Variants in ANKRD30BL observed in about 807,000 individuals in gnomAD.
ANKRD30BL encodes the protein putative ankyrin repeat domain-containing protein 30B-like.
In ANKRD30BL, 20 loss-of-function variants were observed where a neutral mutation model predicts 18.4. The ratio of observed to expected loss-of-function variants is 1.09; its 90% confidence interval spans 0.77 to 1.58. The LOEUF is 1.58. Among genes scored for constraint, ANKRD30BL ranks in the 40% most tolerant of loss-of-function variants. ANKRD30BL has a pLI of 0.00. For synonymous variants in ANKRD30BL, 72 were observed against 100.9 expected, an observed-to-expected ratio of 0.71 and a Z score of 1.72; for missense variants, 224 against 268.6, an observed-to-expected ratio of 0.83 and a Z score of 1.16.
chr2:132,158,727 CTA>C (rs1687977212), intron 1 of ANKRD30BL, among the ~76,000 whole-genome samples: 1 of 150,088 alleles, frequency 6.7e-6, no homozygotes, highest in Non-Finnish European at 1.5e-5. Flanking sequence ...CTTATATTTT[CTA>C]TTTTATTTTC....
At chr2:132,202,408 CT>C (rs1249057943) in intron 1 of ANKRD30BL, among the ~76,000 whole-genome samples, 2 of 140,732 alleles carry the variant, frequency 1.4e-5, no homozygotes, top group Non-Finnish European at 3.0e-5. Context: ...AAATTTGTGA[CT>C]CATAAAGACA....
chr2:132,159,206 C>T (rs1419264465), intron 1 of ANKRD30BL, among the ~76,000 whole-genome samples: 2 of 152,072 alleles, frequency 1.3e-5, no homozygotes, highest in African/African-American at 4.8e-5. Context: ...TTTCAAATGT[C>T]ACCTATTTCT....
At chr2:132,203,837 C>T (rs1454581337) in intron 1 of ANKRD30BL, among the ~76,000 whole-genome samples, 1 of 152,050 alleles carries the variant, frequency 6.6e-6, no homozygotes, top group Non-Finnish European at 1.5e-5. Flanking sequence ...AATTCTCTTA[C>T]TTTTGGTTTC....
chr2:132,180,486 C>T (rs1339392819), intron 1 of ANKRD30BL, among the ~76,000 whole-genome samples: 1 of 152,182 alleles, frequency 6.6e-6, no homozygotes, highest in African/African-American at 2.4e-5. Context: ...GTGATTCATG[C>T]CTGTATGCAC....
At chr2:132,177,034 A>G (rs1688377148) in intron 1 of ANKRD30BL, among the ~76,000 whole-genome samples, 1 of 152,152 alleles carries the variant, frequency 6.6e-6, no homozygotes, top group Admixed American at 6.5e-5. Context: ...CTTAATTCAT[A>G]TTTTTCTCAA....
chr2:132,149,667 C>T (rs1687705535), intron 5 of ANKRD30BL, among the ~76,000 whole-genome samples: 1 of 152,080 alleles, frequency 6.6e-6, no homozygotes, highest in South Asian at 2.1e-4. Flanking sequence ...GTCACTATGC[C>T]ACACAGTTGA....
At position 132,257,028 on chromosome 2, in the gene ANKRD30BL, A is replaced by G. The variant is rs542655547; in HGVS notation, n.441+501T>C. On this transcript the variant is annotated intron_variant and non_coding_transcript_variant, in intron 1 of 4. Transcript: ENST00000470729. ...GCCACGGGATCCCACCGCCACAGAC[A>G]GGAGGGAGGTACCGCAGCGACCCGC... 718 of 515,352 alleles carry G rather than the reference A, an allele frequency of 1.4e-3. 8 individuals carry two copies. Among genetic ancestry groups the G allele is most frequent in the South Asian group, 9.2e-3 (658 of 71,224 alleles). 31.9% of individuals were successfully genotyped at this position (515,352 alleles called of 1,614,324 possible).
At chr2:132,200,695 A>G (rs981650573) in intron 1 of ANKRD30BL, among the ~76,000 whole-genome samples, 30 of 152,346 alleles carry the variant, frequency 2.0e-4, no homozygotes, top group African/African-American at 7.0e-4. Flanking sequence ...GGAAGAATCA[A>G]TATCGTGAAA....
rs548616158 is a variant in ANKRD30BL at position 132,219,719 on chromosome 2, A to T, written n.441+37810T>A. Among the ~76,000 whole-genome samples the T allele has an allele frequency of 3.6e-4, 55 of 152,308 alleles. No homozygotes were observed. The East Asian group carries it at 4.6e-3, about 13-fold the overall frequency. ...TTTTTGATGTTTGTATTCAACTGAC[A>T]GAGTTGAACCTTTTTTTTGATAGAG... is the stretch of plus-strand genomic sequence containing the variant. On this transcript the variant is annotated intron_variant and non_coding_transcript_variant, in intron 1 of 4. Coordinates refer to the ANKRD30BL transcript ENST00000470729.
chr2:132,186,949 T>G (rs1192063594), intron 1 of ANKRD30BL, among the ~76,000 whole-genome samples: 1 of 152,016 alleles, frequency 6.6e-6, no homozygotes. Flanking sequence ...TTTTCTTCTT[T>G]TTATATGTGC....
intron 1 of ANKRD30BL, among the ~76,000 whole-genome samples, chr2:132,173,399 A>G (rs549838843): frequency 8.0e-5 from 12 of 150,018 alleles, no homozygotes; most frequent in African/African-American, 3.0e-4. Flanking sequence ...TCCTGGGTTC[A>G]TGCCATTCTC....
At chr2:132,235,124 A>G (rs1383783901) in intron 1 of ANKRD30BL, among the ~76,000 whole-genome samples, 1 of 152,242 alleles carries the variant, frequency 6.6e-6, no homozygotes, top group Non-Finnish European at 1.5e-5. Context: ...AAAGCCTTTG[A>G]CAAAATTCAA....
At chr2:132,215,825 A>G (rs373040706) in intron 1 of ANKRD30BL, among the ~76,000 whole-genome samples, 1 of 152,154 alleles carries the variant, frequency 6.6e-6, no homozygotes, top group African/African-American at 2.4e-5. Flanking sequence ...GCAAGTGGAC[A>G]TTTGGAGTGA....
chr2:132,199,265 CAA>C (rs1679045153), intron 1 of ANKRD30BL, among the ~76,000 whole-genome samples: 1 of 152,026 alleles, frequency 6.6e-6, no homozygotes, highest in Non-Finnish European at 1.5e-5. Context: ...GAGGCTGAGA[CAA>C]GAGAATCGCT....
intron 1 of ANKRD30BL, among the ~76,000 whole-genome samples, chr2:132,218,704 CATACCTTATCATAGAGCA>C (rs1573855453): frequency 6.7e-6 from 1 of 149,698 alleles, no homozygotes; most frequent in African/African-American, 2.5e-5. Flanking sequence ...CAGAGTTGAA[CATACCTTATCATAGAGCA>C]GTTTTGAAAC....
intron 1 of ANKRD30BL, among the ~76,000 whole-genome samples, chr2:132,213,021 A>T (rs189701626): frequency 2.6e-5 from 4 of 151,772 alleles, no homozygotes; most frequent in Middle Eastern, 3.4e-3. Flanking sequence ...AAACTTCTTC[A>T]TGATGTATGC....
chr2:132,219,370 C>T (rs1679604526), intron 1 of ANKRD30BL, among the ~76,000 whole-genome samples: 1 of 152,020 alleles, frequency 6.6e-6, no homozygotes, highest in Admixed American at 6.6e-5. Context: ...TGTGTGCATT[C>T]AACTCACAGA....
intron 1 of ANKRD30BL, among the ~76,000 whole-genome samples, chr2:132,236,701 A>G (rs1027421701): frequency 1.3e-5 from 2 of 152,102 alleles, no homozygotes; most frequent in African/African-American, 2.4e-5. Context: ...TTCAACCATT[A>G]GGGAAGTCAG....
At chr2:132,187,215 A>T (rs1688581510) in intron 1 of ANKRD30BL, among the ~76,000 whole-genome samples, 1 of 107,152 alleles carries the variant, frequency 9.3e-6, no homozygotes, top group Non-Finnish European at 1.8e-5. Flanking sequence ...TTTTTGAGAG[A>T]CAGAGTCTTG....
Sources: allele counts gnomAD v4.1 joint callset (sites outside exome capture counted in the v4.1 genomes callset), GRCh38; gene constraint gnomAD v4.1.1; transcripts MANE v1.5; gene names NCBI Gene and HGNC (gene_info 2026-07-23, HGNC 2026-07-21).